The following ARFGEF2 variants were observed in gnomAD, a reference collection of about 807,000 sequenced individuals.
ARFGEF2 encodes ARF guanine nucleotide exchange factor 2.
ARFGEF2 carries 74 observed loss-of-function variants against 219.9 expected under a neutral mutation model. The observed-to-expected ratio is 0.34, with a 90% CI of 0.28 to 0.41. The LOEUF (loss-of-function observed/expected upper bound fraction) is 0.41, where lower values mean the gene tolerates loss of function less well. Among genes scored for constraint, ARFGEF2 ranks in the 10% least tolerant of loss-of-function variants. The pLI, the probability that ARFGEF2 is intolerant of heterozygous loss-of-function variation, is 1.00. For missense variants in ARFGEF2, 1,743 were observed against 2,218.3 expected, an observed-to-expected ratio of 0.79 and a Z score of 4.30; for synonymous variants, 733 against 799.2, an observed-to-expected ratio of 0.92 and a Z score of 1.40.
chr20:48,966,340 C>T (rs766865396), intron 8 of ARFGEF2, among the ~76,000 whole-genome samples: 37 of 152,104 alleles, frequency 2.4e-4, no homozygotes, highest in Non-Finnish European at 4.3e-4. Context: ...CCCGTCTTTC[C>T]TTCTCTGTAT....
At chr20:48,969,947 A>G (rs1441610673) in intron 9 of ARFGEF2, among the ~76,000 whole-genome samples, 1 of 152,154 alleles carries the variant, frequency 6.6e-6, no homozygotes, top group African/African-American at 2.4e-5. Flanking sequence ...AATTATCTCT[A>G]TTGTTCCTGT....
At chr20:49,000,533 C>T (rs779580781) in intron 25 of ARFGEF2, among the ~76,000 whole-genome samples, 8 of 152,208 alleles carry the variant, frequency 5.3e-5, no homozygotes, top group Non-Finnish European at 8.8e-5. Flanking sequence ...ACTAACTCAG[C>T]ACCATCTTAC....
At chr20:48,925,609 GC>G (rs1339587451) in intron 1 of ARFGEF2, among the ~76,000 whole-genome samples, 1 of 152,148 alleles carries the variant, frequency 6.6e-6, no homozygotes, top group Admixed American at 6.5e-5. Context: ...GCCAAGGTGG[GC>G]AGATTGCATG....
chr20:48,950,810 AAATATATATATAT>A (rs1309242576), intron 3 of ARFGEF2, among the ~76,000 whole-genome samples: 1 of 41,124 alleles, frequency 2.4e-5, no homozygotes, highest in African/African-American at 1.5e-4. Context: ...AAAAAAAAAA[AAATATATATATAT>A]ATATATATAT....
At position 49,013,841 on chromosome 20, in the gene ARFGEF2, G is replaced by A. The variant is rs1316955568; in HGVS notation, c.4060G>A (p.Val1354Ile). 1.2e-6 allele frequency: 2 copies of A among 1,614,114 alleles called. No homozygotes were observed. Among genetic ancestry groups the A allele is most frequent in the Non-Finnish European group, 1.7e-6 (2 of 1,180,024 alleles). ...KLDVRTRGLT[V>I]MFEIMKSYGH... Reference sequence around the variant, plus strand: ...CTTTGTTTCCTCCAGGGGACTCACAGTCATGTTTGAGATCATGAAGAGCTA... The same window carrying A: ...CTTTGTTTCCTCCAGGGGACTCACAATCATGTTTGAGATCATGAAGAGCTA... The change falls in exon 30 of 39, where the codon GTC (valine) becomes ATC (isoleucine). Residue 1354 changes from valine to isoleucine, a missense_variant. Val to Ile is a conservative substitution (Grantham distance 29, BLOSUM62 3). Around this residue, in one of 5 missense-constraint regions of ARFGEF2, gnomAD observed 578 missense variants for 664.0 expected, o/e 0.87. Coordinates refer to ENST00000371917, the MANE Select transcript of ARFGEF2 (RefSeq NM_006420.3).
chr20:48,971,483 A>G (rs2123416168), intron 10 of ARFGEF2, 129 bp downstream of exon 10: 1 of 867,402 alleles, frequency 1.2e-6, no homozygotes, highest in South Asian at 1.6e-5. Flanking sequence ...AAAATGTTTC[A>G]TATCTTACCA....
chr20:49,032,872 C>T (rs189481746), intron 38 of ARFGEF2, 151 bp from the exon 39 acceptor site: 13 of 781,090 alleles, frequency 1.7e-5, no homozygotes, highest in East Asian at 5.4e-5. Flanking sequence ...GGATTATAGG[C>T]GTGAATCACT....
chr20:48,997,670 T>C (rs2091400469), intron 23 of ARFGEF2, among the ~76,000 whole-genome samples: 1 of 152,214 alleles, frequency 6.6e-6, no homozygotes, highest in Non-Finnish European at 1.5e-5. Context: ...ATACTTGTAA[T>C]ACCACATCAT....
intron 26 of ARFGEF2, among the ~76,000 whole-genome samples, chr20:49,007,171 C>G (rs2091466152): frequency 6.6e-6 from 1 of 152,100 alleles, no homozygotes; most frequent in Non-Finnish European, 1.5e-5. Flanking sequence ...GGGAATCTTA[C>G]ACCATGTGCT....
intron 1 of ARFGEF2, among the ~76,000 whole-genome samples, chr20:48,922,462 G>A (rs1479964642): frequency 6.6e-6 from 1 of 152,220 alleles, no homozygotes; most frequent in Non-Finnish European, 1.5e-5. Flanking sequence ...GTTGGAGAAT[G>A]TTTTCCTTTG....
chr20:48,953,359 A>G (rs144797130), intron 5 of ARFGEF2, among the ~76,000 whole-genome samples, 197 bp from the exon 6 acceptor site: 108 of 151,898 alleles, frequency 7.1e-4, no homozygotes, highest in Admixed American at 2.4e-3. Context: ...TATTTTCTAT[A>G]GAGACAGAGT....
chr20:48,937,142 A>G (rs929319726), intron 1 of ARFGEF2, among the ~76,000 whole-genome samples: 1 of 152,178 alleles, frequency 6.6e-6, no homozygotes, highest in Admixed American at 6.5e-5. Flanking sequence ...CTCCACCTGC[A>G]CGGGCTCTGT....
intron 30 of ARFGEF2, 30 bp from the exon 31 acceptor site, chr20:49,016,250 C>G (rs766897509): frequency 1.1e-5 from 18 of 1,612,272 alleles, no homozygotes; most frequent in Non-Finnish European, 1.5e-5. Flanking sequence ...GGGAGAATAG[C>G]TTTTAAGTGT....
chr20:49,010,995 G>T (rs970670043), intron 27 of ARFGEF2, among the ~76,000 whole-genome samples: 1 of 152,108 alleles, frequency 6.6e-6, no homozygotes, highest in Non-Finnish European at 1.5e-5. Flanking sequence ...TTACATTTTC[G>T]TGCTTTTTGT....
chr20:48,969,959 A>G (rs2091214662), intron 9 of ARFGEF2, among the ~76,000 whole-genome samples: 1 of 152,234 alleles, frequency 6.6e-6, no homozygotes, highest in Admixed American at 6.5e-5. Context: ...TGTTCCTGTC[A>G]TTAGTCATTA....
At chr20:48,928,983 G>C (rs910820095) in intron 1 of ARFGEF2, among the ~76,000 whole-genome samples, 6 of 152,206 alleles carry the variant, frequency 3.9e-5, no homozygotes, top group African/African-American at 1.4e-4. Flanking sequence ...AGGGAAAACA[G>C]TAAGACCATT....
At chr20:48,928,496 C>T (rs1181353198) in intron 1 of ARFGEF2, among the ~76,000 whole-genome samples, 2 of 139,496 alleles carry the variant, frequency 1.4e-5, no homozygotes, top group East Asian at 2.2e-4. Context: ...CCGCGCCCGG[C>T]CGCAATCTTT....
chr20:48,952,906 C>A, intron 5 of ARFGEF2, 22 bp downstream of exon 5: 1 of 1,612,996 alleles, frequency 6.2e-7, no homozygotes, highest in Non-Finnish European at 8.5e-7. Context: ...CACTTACGTG[C>A]TAGGGGCAAG....
chr20:49,025,810 C>T (rs946565490), intron 36 of ARFGEF2, among the ~76,000 whole-genome samples: 1 of 151,802 alleles, frequency 6.6e-6, no homozygotes, highest in Non-Finnish European at 1.5e-5. Context: ...GGCGAAACCC[C>T]ATCTCTACTA....
Sources: allele counts gnomAD v4.1 joint callset (sites outside exome capture counted in the v4.1 genomes callset), GRCh38; gene constraint gnomAD v4.1.1; regional missense constraint gnomAD v4.1.1; transcripts MANE v1.5; gene names NCBI Gene and HGNC (gene_info 2026-07-23, HGNC 2026-07-21).